ETV1: variants seen among roughly 807,000 people sequenced by gnomAD.
ETV1 encodes the protein ETS variant transcription factor 1, also known as ETS translocation variant 1.
Under a neutral mutation model 62.3 loss-of-function variants are expected in ETV1, and 27 were observed. That is an observed-to-expected ratio of 0.43 (90% confidence interval 0.32 to 0.60). The LOEUF is 0.60. ETV1 is among the 20% of genes least tolerant of loss of function. The probability of loss-of-function intolerance (pLI) is 0.06; values close to 1 mark genes in which losing one functional copy is unlikely to be tolerated. For missense variants in ETV1, 605 were observed against 605.8 expected (o/e 1.00, Z 0.01); for synonymous variants, 222 against 199.6 (o/e 1.11, Z -0.94).
intron 6 of ETV1, among the ~76,000 whole-genome samples, chr7:13,959,679 T>A (rs1247777034): frequency 6.6e-6 from 1 of 151,630 alleles, no homozygotes; most frequent in East Asian, 1.9e-4. Flanking sequence ...AGGTCAGGAG[T>A]TCGAGACCAG....
intron 5 of ETV1, among the ~76,000 whole-genome samples, chr7:13,977,767 A>G (rs1404911772): frequency 6.6e-6 from 1 of 152,156 alleles, no homozygotes; most frequent in Non-Finnish European, 1.5e-5. Flanking sequence ...GAGATGCAAA[A>G]TAAAGAAAGC....
At chr7:13,948,170 G>C (rs1221251576) in intron 6 of ETV1, among the ~76,000 whole-genome samples, 1 of 152,138 alleles carries the variant, frequency 6.6e-6, no homozygotes, top group Non-Finnish European at 1.5e-5. Flanking sequence ...AACAGTTGAA[G>C]CTTCCCTTAT....
chr7:13,946,360 T>A (rs1473563960), intron 6 of ETV1, among the ~76,000 whole-genome samples: 1 of 152,182 alleles, frequency 6.6e-6, no homozygotes, highest in Non-Finnish European at 1.5e-5. Context: ...TAAAACCACA[T>A]CTTAAGGCTG....
chr7:13,960,678 G>A (rs1218389546), intron 6 of ETV1, among the ~76,000 whole-genome samples: 1 of 151,946 alleles, frequency 6.6e-6, no homozygotes, highest in Non-Finnish European at 1.5e-5. Flanking sequence ...TGAGCTTATA[G>A]CTACTTTAAG....
chr7:13,987,672 CAA>C (rs1782669602), intron 4 of ETV1, among the ~76,000 whole-genome samples: 1 of 152,002 alleles, frequency 6.6e-6, no homozygotes. Context: ...GGTGGGAAAC[CAA>C]ACAATCACTA....
chr7:13,937,956 T>C (rs1001072925), intron 7 of ETV1, among the ~76,000 whole-genome samples: 18 of 152,224 alleles, frequency 1.2e-4, no homozygotes, highest in Non-Finnish European at 2.1e-4. Context: ...GTTTCTCTTT[T>C]ATTTTTGAGA....
chr7:13,986,065 T>C lies in ETV1; in HGVS notation c.181+573A>G, dbSNP rs149087275. On this transcript the variant is annotated intron_variant, in intron 5 of 13. Coordinates refer to ENST00000430479, the MANE Select transcript of ETV1 (RefSeq NM_004956.5). ...ATGGAAAACATTTTTAAAATCCTCA[T>C]ATCTCCCATTTATTTTAAACCCATA... 6.2e-3 allele frequency: 8,397 copies of C among 1,349,106 alleles called. 38 individuals are homozygous for C. The highest frequency in any genetic ancestry group is 8.9e-3 in the Middle Eastern group (50 of 5,600). 83.6% of individuals were successfully genotyped at this position (1,349,106 alleles called of 1,614,324 possible).
chr7:13,985,349 T>C (rs1213811868), intron 5 of ETV1: 1 of 152,072 alleles, frequency 6.6e-6, no homozygotes, highest in Non-Finnish European at 1.5e-5. Flanking sequence ...TTTCAGTAAG[T>C]CTTACCTTCA....
In ETV1 at chr7:13,923,734, A is replaced by G. The variant is rs572724608; in HGVS notation, c.802+7768T>C. On this transcript the variant is annotated intron_variant, in intron 9 of 13. Transcript: ENST00000430479. ...GGTTGTTGGGGTGAATAATGGATGG[A>G]TTTTAAATGAAGAATGGGCCAGCCA... Among the ~76,000 whole-genome samples the G allele has an allele frequency of 2.6e-5, 4 of 152,234 alleles. No homozygotes were observed. In the South Asian group the frequency reaches 8.3e-4, roughly 32 times the overall value.
chr7:13,899,200 T>C (rs1342994277), intron 13 of ETV1, among the ~76,000 whole-genome samples: 2 of 151,930 alleles, frequency 1.3e-5, no homozygotes, highest in Non-Finnish European at 2.9e-5. Flanking sequence ...AAGATGGTGG[T>C]GAAAAGAAAG....
At chr7:13,907,536 T>C (rs2128415470) in intron 11 of ETV1, among the ~76,000 whole-genome samples, 1 of 149,414 alleles carries the variant, frequency 6.7e-6, no homozygotes, top group East Asian at 2.1e-4. Context: ...GTCAGTTATA[T>C]TAATTTTACA....
At chr7:13,972,037 G>C (rs1365408282) in intron 6 of ETV1, among the ~76,000 whole-genome samples, 1 of 152,044 alleles carries the variant, frequency 6.6e-6, no homozygotes, top group Non-Finnish European at 1.5e-5. Context: ...TTGAATCCGG[G>C]AGGCAGGAGT....
chr7:13,922,074 T>C (rs1428449611), intron 9 of ETV1, among the ~76,000 whole-genome samples: 1 of 152,184 alleles, frequency 6.6e-6, no homozygotes, highest in African/African-American at 2.4e-5. Flanking sequence ...GAATTATAAA[T>C]TTATAATTAT....
chr7:13,922,715 A>G (rs1263218636), intron 9 of ETV1, among the ~76,000 whole-genome samples: 2 of 152,246 alleles, frequency 1.3e-5, no homozygotes, highest in Non-Finnish European at 2.9e-5. Context: ...AATATTCAAA[A>G]TAAATATCAG....
intron 5 of ETV1, chr7:13,986,343 A>C: frequency 2.0e-6 from 3 of 1,490,520 alleles, no homozygotes; most frequent in Non-Finnish European, 2.7e-6. Context: ...AATTGCAATT[A>C]AAATCTGAAC....
chr7:13,933,753 T>A (rs1219755749), intron 8 of ETV1, among the ~76,000 whole-genome samples: 5 of 152,232 alleles, frequency 3.3e-5, no homozygotes, highest in African/African-American at 9.6e-5. Flanking sequence ...ACTGGCCAGC[T>A]GGTACTGTCC....
Position 13,911,257 on chromosome 7 carries a change from G to A in ETV1, c.853C>T (p.His285Tyr), listed in dbSNP as rs747474762. The change falls in exon 10 of 14, where the codon CAT becomes TAT. Residue 285 changes from histidine to tyrosine, a missense_variant. Around this residue, in one of 3 missense-constraint regions of ETV1, gnomAD observed 426 missense variants for 377.8 expected, o/e 1.13. Transcript: ENST00000430479. ...AACTTAACTTCTGTTCTGCTGGGATGAGCCAGGAAGCCTTCTTGCCTCATA... is the reference window on the plus strand; with the variant it reads ...AACTTAACTTCTGTTCTGCTGGGATAAGCCAGGAAGCCTTCTTGCCTCATA... ...IYMRQEGFLA[H>Y]PSRTEGCMFE... 15 of 1,612,742 alleles carry A rather than the reference G, an allele frequency of 9.3e-6. No homozygotes were observed. In the South Asian group the frequency reaches 1.4e-4, roughly 15 times the overall value.
chr7:13,913,626 G>A (rs1294293299), intron 9 of ETV1, among the ~76,000 whole-genome samples: 2 of 152,086 alleles, frequency 1.3e-5, no homozygotes, highest in Admixed American at 6.5e-5. Context: ...TATTTAAACT[G>A]AGTACTTTAA....
intron 8 of ETV1, among the ~76,000 whole-genome samples, chr7:13,933,630 G>GTTTTGGGGGT (rs1427391055): frequency 6.6e-6 from 1 of 152,124 alleles, no homozygotes; most frequent in Non-Finnish European, 1.5e-5. Flanking sequence ...TTTGGGGAAA[G>GTTTTGGGGGT]GATCTGTTCC....
Sources: gnomAD v4.1 joint callset for allele counts (sites outside exome capture counted in the v4.1 genomes callset) on GRCh38, gnomAD v4.1.1 for gene constraint, gnomAD v4.1.1 regional missense constraint, MANE v1.5 for transcripts, NCBI Gene and HGNC (gene_info 2026-07-23, HGNC 2026-07-21) for gene names.